Variants in EFHC2 observed in about 807,000 individuals in gnomAD.
EFHC2 encodes EF-hand domain-containing family member C2.
Under a neutral mutation model 52.7 loss-of-function variants are expected in EFHC2, and 18 were observed. That is an observed-to-expected ratio of 0.34 (90% CI 0.24 to 0.51). The LOEUF is 0.51. Ranked by LOEUF, EFHC2 falls within the 20% of genes least tolerant of loss-of-function variation. The pLI, the probability that EFHC2 is intolerant of heterozygous loss-of-function variation, is 0.97. For synonymous variants in EFHC2, 203 were observed against 204.1 expected (o/e 0.99, Z 0.04); for missense variants, 513 against 562.5 (o/e 0.91, Z 0.89).
At chrX:44,207,511 TAA>T (rs765899710) in intron 11 of EFHC2, among the ~76,000 whole-genome samples, 10 of 94,131 alleles carry the variant, frequency 1.1e-4, no homozygotes, top group Admixed American at 2.3e-4. Context: ...ACTCCGTCTC[TAA>T]AAAAAAAAAA....
chrX:44,161,809 G>A (rs1307185440), intron 14 of EFHC2, among the ~76,000 whole-genome samples: 1 of 112,294 alleles, frequency 8.9e-6, no homozygotes, highest in Non-Finnish European at 1.9e-5. Context: ...GAATGAAAGG[G>A]TTATCAGGGC....
rs746635837 is a variant in EFHC2, at chrX:44,193,742, A to G, written c.1752-15178T>C. 3.6e-5 allele frequency among the ~76,000 whole-genome samples: 4 copies of G among 111,389 alleles called. No homozygotes were observed. The Admixed American group carries it at 3.8e-4, about 11-fold the overall frequency. ...GGGAGAGTGGTCAAGGAAAGGAGGG[A>G]CCTAGTTGTATCCATTCTAAATAAA... On this transcript the variant is annotated intron_variant, in intron 11 of 14. Transcript: ENST00000420999.
intron 1 of EFHC2, among the ~76,000 whole-genome samples, chrX:44,318,464 A>G (rs992626365): frequency 8.9e-6 from 1 of 111,999 alleles, no homozygotes; most frequent in African/African-American, 3.2e-5. Flanking sequence ...ACAGCTGCAC[A>G]GCGTTGTGAA....
At chrX:44,166,065 C>T (rs868390772) in intron 13 of EFHC2, among the ~76,000 whole-genome samples, 3 of 111,357 alleles carry the variant, frequency 2.7e-5, no homozygotes, top group Non-Finnish European at 5.6e-5. Flanking sequence ...ACCTAGTTTA[C>T]GGTATTGTTA....
intron 11 of EFHC2, among the ~76,000 whole-genome samples, chrX:44,206,374 A>G (rs932341735): frequency 8.9e-5 from 10 of 111,846 alleles, no homozygotes; most frequent in Non-Finnish European, 1.7e-4. Context: ...ATCAAGCAAG[A>G]GAAAGAAATA....
intron 11 of EFHC2, among the ~76,000 whole-genome samples, chrX:44,223,103 G>A (rs992651147): frequency 1.8e-5 from 2 of 112,028 alleles, no homozygotes; most frequent in Admixed American, 1.9e-4. Flanking sequence ...CAACATAGAG[G>A]TCAGAGCTCA....
chrX:44,317,701 G>A (rs904947160), intron 1 of EFHC2, among the ~76,000 whole-genome samples: 1 of 113,164 alleles, frequency 8.8e-6, no homozygotes, highest in Non-Finnish European at 1.9e-5. Context: ...TGAAAGGAGC[G>A]CTTGCGCTCA....
chrX:44,321,220 G>T (rs1217807564), intron 1 of EFHC2, among the ~76,000 whole-genome samples: 1 of 111,557 alleles, frequency 9.0e-6, no homozygotes, highest in African/African-American at 3.3e-5. Context: ...ACAACGAGAA[G>T]AATGGAGTTT....
rs547797188 is a variant in EFHC2, at chrX:44,161,838, G to A, written c.2148+2084C>T. On this transcript the variant is annotated intron_variant, in intron 14 of 14. Coordinates refer to ENST00000420999, the MANE Select transcript of EFHC2 (RefSeq NM_025184.4). ...TCAGGGCAAATGACAGTATTGATTT[G>A]TTTTTGTGATAGTGTTTCAGATTTG... is the stretch of plus-strand genomic sequence containing the variant. Among the ~76,000 whole-genome samples, 35 of 112,396 alleles carry A rather than the reference G, an allele frequency of 3.1e-4. No homozygotes were observed. The South Asian group carries it at 0.013, about 42-fold the overall frequency.
At chrX:44,148,927 G>C in intron 14 of EFHC2, 31 bp from the exon 15 acceptor site, 1 of 1,095,404 alleles carries the variant, frequency 9.1e-7, no homozygotes, top group East Asian at 3.3e-5. Flanking sequence ...GATATGATTA[G>C]AACCACATTT....
At chrX:44,149,399 A>G (rs376458760) in intron 14 of EFHC2, among the ~76,000 whole-genome samples, 5 of 112,670 alleles carry the variant, frequency 4.4e-5, no homozygotes, top group Non-Finnish European at 7.5e-5. Flanking sequence ...ACATGCCCAT[A>G]GACAAGAAAA....
intron 7 of EFHC2, among the ~76,000 whole-genome samples, chrX:44,246,638 T>C (rs73196201): frequency 0.014 from 1,605 of 111,215 alleles, 11 homozygotes; most frequent in Non-Finnish European, 0.02. Context: ...TTACCCAGGA[T>C]GGCTCGATTT....
intron 11 of EFHC2, among the ~76,000 whole-genome samples, chrX:44,180,227 C>G (rs764965556): frequency 2.0e-4 from 22 of 111,543 alleles, no homozygotes; most frequent in African/African-American, 6.8e-4. Flanking sequence ...CCTTTATTGC[C>G]TTTATTGTCC....
chrX:44,300,082 A>T (rs1456358556), intron 2 of EFHC2, among the ~76,000 whole-genome samples: 1 of 108,363 alleles, frequency 9.2e-6, no homozygotes, highest in Non-Finnish European at 1.9e-5. Flanking sequence ...AAGGTAAATA[A>T]TTTTTTTTTT....
intron 13 of EFHC2, among the ~76,000 whole-genome samples, chrX:44,171,999 G>C (rs182851128): frequency 4.5e-5 from 5 of 111,962 alleles, no homozygotes; most frequent in African/African-American, 1.6e-4. Context: ...GGTATTGTTG[G>C]GTGAAATCAC....
chrX:44,156,614 A>G (rs1379493879), intron 14 of EFHC2, among the ~76,000 whole-genome samples: 1 of 112,210 alleles, frequency 8.9e-6, no homozygotes, highest in East Asian at 2.8e-4. Context: ...TGTGAAAGAG[A>G]GTGCTTTAGA....
intron 12 of EFHC2, 22 bp from the exon 13 acceptor site, chrX:44,176,406 G>A: frequency 9.4e-7 from 1 of 1,066,987 alleles, no homozygotes; most frequent in South Asian, 2.1e-5. Flanking sequence ...CAACGTAAAT[G>A]AGCTTTTATA....
chrX:44,235,177 G>GA, intron 9 of EFHC2, 128 bp downstream of exon 9: 1 of 550,841 alleles, frequency 1.8e-6, no homozygotes, highest in Non-Finnish European at 2.6e-6. Context: ...ATTGTTCAGG[G>GA]TTTTTTTTTA....
intron 14 of EFHC2, among the ~76,000 whole-genome samples, chrX:44,159,171 T>A (rs1284294652): frequency 9.0e-6 from 1 of 111,000 alleles, no homozygotes; most frequent in Non-Finnish European, 1.9e-5. Flanking sequence ...CTTCTTTTTT[T>A]CCCCCACCTT....
Sources: allele counts gnomAD v4.1 joint callset (sites outside exome capture counted in the v4.1 genomes callset), GRCh38; gene constraint gnomAD v4.1.1; transcripts MANE v1.5; gene names NCBI Gene and HGNC (gene_info 2026-07-23, HGNC 2026-07-21).